GNA14: variants seen among roughly 807,000 people sequenced by gnomAD.
GNA14 encodes guanine nucleotide-binding protein subunit alpha-14.
A neutral mutation model predicts 42.0 loss-of-function variants in GNA14; 50 were observed. That is an observed-to-expected ratio of 1.19 (90% CI 0.95 to 1.51). The LOEUF is 1.51. Ranked by LOEUF, GNA14 falls within the 40% of genes most tolerant of loss-of-function variation. The pLI, the probability that GNA14 is intolerant of heterozygous loss-of-function variation, is 0.00. For synonymous variants in GNA14, 173 were observed against 163.1 expected, an observed-to-expected ratio of 1.06 and a Z score of -0.46; for missense variants, 473 against 446.2, an observed-to-expected ratio of 1.06 and a Z score of -0.54.
intron 1 of GNA14, among the ~76,000 whole-genome samples, chr9:77,556,124 G>C (rs1822777044): frequency 6.6e-6 from 1 of 152,092 alleles, no homozygotes; most frequent in Non-Finnish European, 1.5e-5. Context: ...GGTGCCTGTA[G>C]TCCCAGCTAC....
chr9:77,604,360 T>C (rs1243952935), intron 1 of GNA14, among the ~76,000 whole-genome samples: 1 of 152,208 alleles, frequency 6.6e-6, no homozygotes. Context: ...CATCAAAGGC[T>C]GAAGTTTAGT....
intron 1 of GNA14, among the ~76,000 whole-genome samples, chr9:77,584,400 T>C (rs1042206592): frequency 1.3e-5 from 2 of 152,312 alleles, no homozygotes; most frequent in Admixed American, 6.5e-5. Flanking sequence ...GCAATCAAAG[T>C]TTGGAGACCA....
chr9:77,568,747 G>T (rs940152930), intron 1 of GNA14, among the ~76,000 whole-genome samples: 1 of 152,132 alleles, frequency 6.6e-6, no homozygotes, highest in South Asian at 2.1e-4. Context: ...AATTTACAGG[G>T]GGGCACTCCC....
chr9:77,525,455 G>A (rs1303392461), intron 2 of GNA14, among the ~76,000 whole-genome samples: 1 of 152,138 alleles, frequency 6.6e-6, no homozygotes, highest in Non-Finnish European at 1.5e-5. Flanking sequence ...CATGGCAAGA[G>A]AGGAGGAGAC....
In GNA14 at chr9:77,423,540, A is replaced by C. The variant is rs1243164796; in HGVS notation, c.*439T>G. ...TGTCTCTAAATTACAAGGTTTAATA[A>C]AAAGCTTCAAACCCATTAACATTCT... On this transcript the variant is annotated 3_prime_UTR_variant, in exon 7 of 7. Coordinates refer to ENST00000341700, the MANE Select transcript of GNA14 (RefSeq NM_004297.4). 6.6e-6 allele frequency: 1 copy of C among 152,354 alleles called. No individual in the cohort carries two copies. The highest frequency in any genetic ancestry group is 1.5e-5 in the Non-Finnish European group (1 of 68,126). 9.4% of individuals were successfully genotyped at this position (152,354 alleles called of 1,614,324 possible).
intron 1 of GNA14, among the ~76,000 whole-genome samples, chr9:77,572,345 T>C (rs1283616813): frequency 6.6e-6 from 1 of 152,150 alleles, no homozygotes; most frequent in African/African-American, 2.4e-5. Flanking sequence ...ATCCAAAAAC[T>C]TATCCAGACA....
At chr9:77,431,629 G>C in intron 3 of GNA14, 180 bp from the exon 4 acceptor site, 1 of 545,168 alleles carries the variant, frequency 1.8e-6, no homozygotes. Flanking sequence ...CGACTGTTTT[G>C]AAGACAATAT....
chr9:77,630,420 G>C (rs953291669), intron 1 of GNA14, among the ~76,000 whole-genome samples: 4 of 152,122 alleles, frequency 2.6e-5, no homozygotes, highest in African/African-American at 9.7e-5. Context: ...GCCTGGCCAA[G>C]AGAGTAAGAT....
At chr9:77,572,510 T>C (rs73651546) in intron 1 of GNA14, among the ~76,000 whole-genome samples, 2,435 of 152,318 alleles carry the variant, frequency 0.016, 65 homozygotes, top group African/African-American at 0.054. Context: ...AAAAGGTATT[T>C]TAGAAGAGAA....
rs138862356 is a variant in GNA14, at chr9:77,629,107, G to A, written c.124+18563C>T. 5.6e-4 allele frequency among the ~76,000 whole-genome samples: 85 copies of A among 151,956 alleles called. 1 individual carries two copies. The Middle Eastern group carries it at 0.017, about 30-fold the overall frequency. On this transcript the variant is annotated intron_variant, in intron 1 of 6. Coordinates refer to ENST00000341700, the MANE Select transcript of GNA14 (RefSeq NM_004297.4). ...CAGACACCTCTCAAGGTATTTATGT[G>A]GCCAACAAACATGTGAAAAAAAGCT...
chr9:77,435,273 C>T (rs1032861283), intron 2 of GNA14, among the ~76,000 whole-genome samples: 1 of 152,020 alleles, frequency 6.6e-6, no homozygotes, highest in African/African-American at 2.4e-5. Flanking sequence ...AGGAGAATCG[C>T]TTGAACCCAG....
At chr9:77,468,089 T>A (rs540278162) in intron 2 of GNA14, among the ~76,000 whole-genome samples, 3 of 151,990 alleles carry the variant, frequency 2.0e-5, no homozygotes, top group Admixed American at 2.0e-4. Flanking sequence ...CTCAGAGGGG[T>A]CCTAGACTAG....
At chr9:77,525,041 GC>G (rs2131764404) in intron 2 of GNA14, among the ~76,000 whole-genome samples, 1 of 152,192 alleles carries the variant, frequency 6.6e-6, no homozygotes, top group Admixed American at 6.5e-5. Context: ...TTTTTACATG[GC>G]CCATGAGTCA....
intron 2 of GNA14, among the ~76,000 whole-genome samples, chr9:77,459,160 C>T (rs1379341431): frequency 2.6e-5 from 4 of 151,942 alleles, no homozygotes; most frequent in East Asian, 1.9e-4. Context: ...CACTTGAACC[C>T]GGGAGGTGGA....
At position 77,635,862 on chromosome 9, in the gene GNA14, C is replaced by T. The variant is rs764319383; in HGVS notation, c.124+11808G>A. 4.6e-5 allele frequency among the ~76,000 whole-genome samples: 7 copies of T among 152,286 alleles called. No individual in the cohort carries two copies. The South Asian group carries it at 1.2e-3, about 27-fold the overall frequency. ...TCCCTTCACTCCTCTGGACCTTTGC[C>T]ACCCCATCCATAGGATCAAAGTTTG... On this transcript the variant is annotated intron_variant, in intron 1 of 6. Transcript: ENST00000341700.
Position 77,490,841 on chromosome 9 carries a change from G to A in GNA14, c.309+38228C>T, listed in dbSNP as rs921754798. On this transcript the variant is annotated intron_variant, in intron 2 of 6. Coordinates refer to ENST00000341700, the MANE Select transcript of GNA14 (RefSeq NM_004297.4). The stretch of plus-strand genomic sequence containing the variant: ...AGAAAGGGGCTCCCACAGTGCAGTG[G>A]TGGGCTGAAGGGCTCCTCAAGTGCC... Among the ~76,000 whole-genome samples the A allele has an allele frequency of 2.8e-4, 43 of 152,378 alleles. 1 individual carries two copies. The highest frequency in any genetic ancestry group is 1.0e-3 in the African/African-American group (42 of 41,600).
At chr9:77,634,276 T>C (rs751776903) in intron 1 of GNA14, among the ~76,000 whole-genome samples, 14 of 151,806 alleles carry the variant, frequency 9.2e-5, no homozygotes, top group Non-Finnish European at 1.8e-4. Context: ...ATAAATAAGC[T>C]GGGCATACTG....
chr9:77,603,665 G>T (rs1823602759), intron 1 of GNA14, among the ~76,000 whole-genome samples: 1 of 151,832 alleles, frequency 6.6e-6, no homozygotes, highest in Admixed American at 6.6e-5. Context: ...ATGTGTCACG[G>T]GAGTCAAAAC....
intron 1 of GNA14, among the ~76,000 whole-genome samples, chr9:77,619,211 T>C (rs752177131): frequency 1.3e-5 from 2 of 151,986 alleles, no homozygotes; most frequent in Non-Finnish European, 2.9e-5. Context: ...AACGAGTTTG[T>C]TTTGTTTGTT....
Sources: allele counts gnomAD v4.1 joint callset (sites outside exome capture counted in the v4.1 genomes callset), GRCh38; gene constraint gnomAD v4.1.1; transcripts MANE v1.5; gene names NCBI Gene and HGNC (gene_info 2026-07-23, HGNC 2026-07-21).